EHD2: variants seen among roughly 807,000 people sequenced by gnomAD.
EHD2 encodes EH domain-containing protein 2.
A neutral mutation model predicts 41.0 loss-of-function variants in EHD2; 27 were observed. That is an observed-to-expected ratio of 0.66 (90% CI 0.49 to 0.91). EHD2 has a LOEUF of 0.91. Ranked by LOEUF, EHD2 falls within the 40% of genes least tolerant of loss-of-function variation. The pLI, the probability that EHD2 is intolerant of heterozygous loss-of-function variation, is 0.00. For missense variants in EHD2, 673 were observed against 773.9 expected, an observed-to-expected ratio of 0.87 and a Z score of 1.55; for synonymous variants, 342 against 341.0, an observed-to-expected ratio of 1.00 and a Z score of -0.03.
rs1364776664 is a variant in EHD2, at chr19:47,741,486, C to G, written c.*54C>G. 2.6e-6 allele frequency: 4 copies of G among 1,514,486 alleles called. No homozygotes were observed. The highest frequency in any genetic ancestry group is 3.5e-6 in the Non-Finnish European group (4 of 1,131,892). The allele number at this position is 1,514,486 out of a possible 1,614,324, so 93.8% of individuals were successfully genotyped here. On this transcript the variant is annotated 3_prime_UTR_variant, in exon 6 of 6. Coordinates refer to ENST00000263277, the MANE Select transcript of EHD2 (RefSeq NM_014601.4). The surrounding 1 kb of genome is among the most constrained non-coding windows in gnomAD (Gnocchi z 4.5). ...GGCTCCCCAGCTCCAGTCGGCTGCA[C>G]GCACACCCCTGCTCCGGCTCACACA...
Position 47,718,542 on chromosome 19 carries a change from G to A in EHD2, c.438G>A (p.Leu146=), listed in dbSNP as rs1409544502. 4.4e-6 allele frequency: 7 copies of A among 1,588,384 alleles called. No homozygotes were observed. Among genetic ancestry groups the A allele is most frequent in the South Asian group, 1.1e-5 (1 of 87,306 alleles). The change falls in exon 3 of 6, where the codon CTG becomes CTA. Residue 146 remains leucine (L), a synonymous_variant. Coordinates refer to ENST00000263277, the MANE Select transcript of EHD2 (RefSeq NM_014601.4). ...GTGCCCAGCTCCCTAATCAGGTCCT[G>A]GAGAGCATCAGCATCATCGACACCC... ...FMCAQLPNQV[L]ESISIIDTPG... is the part of the protein sequence containing the mutation.
In EHD2 at chr19:47,716,778, G is replaced by C. The variant is rs372776185; in HGVS notation, c.166G>C (p.Asp56His). Reference sequence around the variant, plus strand: ...GCCGGCCCTGGAGGACGCAGACTTCGACGGCAAGCCCATGGTGCTGGTGGC... The same window carrying C: ...GCCGGCCCTGGAGGACGCAGACTTCCACGGCAAGCCCATGGTGCTGGTGGC... Reference protein sequence around the residue: ...HSPALEDADFDGKPMVLVAGQ... With the variant: ...HSPALEDADFHGKPMVLVAGQ... The change falls in exon 2 of 6, where the codon GAC becomes CAC. Residue 56 changes from aspartate (D) to histidine (H), a missense_variant. By Grantham distance (81) the Asp-to-His change is moderately conservative (BLOSUM62 -1). Coordinates refer to ENST00000263277, the MANE Select transcript of EHD2 (RefSeq NM_014601.4). The C allele has an allele frequency of 3.7e-6, 6 of 1,612,376 alleles. No individual in the cohort carries two copies. In the African/African-American group the frequency reaches 6.7e-5, roughly 18 times the overall value.
intron 3 of EHD2, among the ~76,000 whole-genome samples, chr19:47,724,305 C>G (rs1416359759): frequency 6.7e-6 from 1 of 149,954 alleles, no homozygotes; most frequent in Non-Finnish European, 1.5e-5. Flanking sequence ...TTGATCTGCC[C>G]ACTTCAGCCT....
chr19:47,732,380 A>T (rs1331299470), intron 4 of EHD2, among the ~76,000 whole-genome samples: 1 of 151,878 alleles, frequency 6.6e-6, no homozygotes, highest in East Asian at 1.9e-4. Flanking sequence ...CAGCCTCCCA[A>T]AGTGCTGGGA....
rs1393464901 is a variant in EHD2, at chr19:47,713,441, C to T, written c.-153C>T. 2 of 152,316 alleles carry T rather than the reference C, an allele frequency of 1.3e-5. No individual in the cohort carries two copies. The highest frequency in any genetic ancestry group is 2.9e-5 in the Non-Finnish European group (2 of 68,126). The allele number at this position is 152,316 out of a possible 1,614,324, so 9.4% of individuals were successfully genotyped here. On this transcript the variant is annotated 5_prime_UTR_variant, in exon 1 of 6. Transcript: ENST00000263277. Reference sequence around the variant, plus strand: ...CGGCTCAGACGGCTCCGGACGGGACCGCGAGCACAGGCCGCTCCGCGGGCG... The same window carrying T: ...CGGCTCAGACGGCTCCGGACGGGACTGCGAGCACAGGCCGCTCCGCGGGCG...
intron 4 of EHD2, among the ~76,000 whole-genome samples, chr19:47,733,669 A>AAAAT (rs144493627): frequency 0.031 from 4,565 of 147,948 alleles, 108 homozygotes; most frequent in Middle Eastern, 0.051. Flanking sequence ...TCTGTCTCAA[A>AAAAT]AAATAAATAA....
rs1966952005 is a variant in EHD2, at chr19:47,738,847, G to A, written c.1081-2034G>A. Among the ~76,000 whole-genome samples, 3 of 152,232 alleles carry A rather than the reference G, an allele frequency of 2.0e-5. No individual in the cohort carries two copies. The South Asian group carries it at 6.2e-4, about 32-fold the overall frequency. On this transcript the variant is annotated intron_variant, in intron 5 of 5. Transcript: ENST00000263277. ...AGGGCTGTGAAAGGAATCCATTTTC[G>A]CAGAGACTGTCCTGGTGCAGTCTGG...
At chr19:47,733,558 T>G (rs1966890805) in intron 4 of EHD2, among the ~76,000 whole-genome samples, 1 of 150,828 alleles carries the variant, frequency 6.6e-6, no homozygotes, top group African/African-American at 2.4e-5. Flanking sequence ...TCCCAGCTAC[T>G]TGGGAGGCTG....
chr19:47,732,908 A>C (rs1966885234), intron 4 of EHD2: 1 of 151,906 alleles, frequency 6.6e-6, no homozygotes, highest in Admixed American at 6.6e-5. Flanking sequence ...ACATGGAGAA[A>C]TCCCATCTCT....
chr19:47,725,384 C>T (rs1315949851), intron 3 of EHD2, among the ~76,000 whole-genome samples: 2 of 134,196 alleles, frequency 1.5e-5, no homozygotes, highest in Non-Finnish European at 3.1e-5. Flanking sequence ...ATAGTGAGAT[C>T]CCATCTCTAC....
At chr19:47,737,816 C>T (rs1412602199) in intron 5 of EHD2, among the ~76,000 whole-genome samples, 1 of 151,090 alleles carries the variant, frequency 6.6e-6, no homozygotes, top group East Asian at 1.9e-4. Context: ...GCTCAAAGGT[C>T]CTTCTGCCTA....
intron 1 of EHD2, 126 bp downstream of exon 1, chr19:47,713,664 C>T (rs147322174): frequency 0.011 from 1,606 of 152,862 alleles, 22 homozygotes; most frequent in South Asian, 0.017. Flanking sequence ...CCAGGTGTCC[C>T]CCAGTCTTCA....
chr19:47,731,127 G>A (rs1407522072), intron 4 of EHD2, among the ~76,000 whole-genome samples: 2 of 150,702 alleles, frequency 1.3e-5, no homozygotes, highest in East Asian at 3.9e-4. Flanking sequence ...AAAGGCCCTG[G>A]GGCAGCCATG....
intron 4 of EHD2, among the ~76,000 whole-genome samples, chr19:47,731,863 C>G (rs370634475): frequency 6.8e-6 from 1 of 148,072 alleles, no homozygotes; most frequent in Non-Finnish European, 1.5e-5. Context: ...TCTCGGCTCA[C>G]TGCAAGCTCC....
At chr19:47,731,279 A>AATATATATATATATATATGTAT (rs1973807786) in intron 4 of EHD2, 1 of 60,928 alleles carries the variant, frequency 1.6e-5, no homozygotes, top group African/African-American at 4.9e-5. Flanking sequence ...AAAAAAAAAA[A>AATATATATATATATATATGTAT]ATATATATAT....
At chr19:47,734,499 T>A (rs1966901488) in intron 4 of EHD2, among the ~76,000 whole-genome samples, 1 of 151,546 alleles carries the variant, frequency 6.6e-6, no homozygotes, top group African/African-American at 2.4e-5. Context: ...CCGCCTGTAA[T>A]CCAGCACTTT....
Position 47,741,579 on chromosome 19 carries a change from C to A in EHD2, c.*147C>A. 2.1e-6 allele frequency: 2 copies of A among 941,022 alleles called. No homozygotes were observed. Among genetic ancestry groups the A allele is most frequent in the Middle Eastern group, 3.3e-4 (1 of 3,044 alleles). The allele number at this position is 941,022 out of a possible 1,614,324, so 58.3% of individuals were successfully genotyped here. A position where few individuals can be genotyped will look rare whatever the true frequency, so the allele number is the denominator to read the frequency against. The stretch of plus-strand genomic sequence containing the variant: ...CTCCCTCCTCACTACCGCCAGACAC[C>A]CCGGTGGAAGCATTTAGAGGGGACC... On this transcript the variant is annotated 3_prime_UTR_variant, in exon 6 of 6. Coordinates refer to ENST00000263277, the MANE Select transcript of EHD2 (RefSeq NM_014601.4). This position sits in a 1 kb window ranked among gnomAD's most constrained non-coding sequence, Gnocchi z 4.5.
At chr19:47,736,646 G>A in intron 5 of EHD2, 113 bp downstream of exon 5, 1 of 1,234,242 alleles carries the variant, frequency 8.1e-7, no homozygotes, top group Non-Finnish European at 1.1e-6. Flanking sequence ...GTTCTGGAAA[G>A]CGCCTCCCTC....
chr19:47,721,609 G>A (rs868704912), intron 3 of EHD2, among the ~76,000 whole-genome samples: 2 of 150,410 alleles, frequency 1.3e-5, no homozygotes, highest in Non-Finnish European at 3.0e-5. Context: ...CCACCGCCCA[G>A]CCTATTTTCT....
Sources: gnomAD v4.1 joint callset for allele counts (sites outside exome capture counted in the v4.1 genomes callset) on GRCh38, gnomAD v4.1.1 for gene constraint, Gnocchi (gnomAD v3.1) non-coding constraint, MANE v1.5 for transcripts, NCBI Gene and HGNC (gene_info 2026-07-23, HGNC 2026-07-21) for gene names.